PTBP3: variants seen among roughly 807,000 people sequenced by gnomAD.
PTBP3 encodes the protein polypyrimidine tract binding protein 3.
In PTBP3, 20 loss-of-function variants were observed where a neutral mutation model predicts 58.7. The observed-to-expected ratio is 0.34, with a 90% CI of 0.24 to 0.50. The LOEUF is 0.50. PTBP3 is among the 20% of genes least tolerant of loss of function. PTBP3 has a pLI of 0.98. For missense variants in PTBP3, 509 were observed against 637.2 expected, an observed-to-expected ratio of 0.80 and a Z score of 2.17; for synonymous variants, 185 against 219.8, an observed-to-expected ratio of 0.84 and a Z score of 1.40.
chr9:112,333,201 T>C (rs955249535), intron 1 of PTBP3, among the ~76,000 whole-genome samples: 2 of 152,086 alleles, frequency 1.3e-5, no homozygotes, highest in Non-Finnish European at 2.9e-5. Flanking sequence ...GGCTTTCCTC[T>C]GCTCCCGGGT....
At chr9:112,245,697 AAAG>A (rs1177400908) in intron 7 of PTBP3, among the ~76,000 whole-genome samples, 2 of 152,204 alleles carry the variant, frequency 1.3e-5, no homozygotes, top group African/African-American at 2.4e-5. Flanking sequence ...CAGGTTGGGT[AAAG>A]AAGATCTGGA....
rs560035694 is a variant in PTBP3, at chr9:112,311,154, C to T, written c.-51-13238G>A. On this transcript the variant is annotated intron_variant, in intron 1 of 13. Coordinates refer to ENST00000374257, the MANE Select transcript of PTBP3 (RefSeq NM_001163788.4). ...TGGTTAGGAAGCTGTGATGATAATC[C>T]GGATTAAGGGCCAGGGCAGTTGCAG... Among the ~76,000 whole-genome samples, 28 of 150,594 alleles carry T rather than the reference C, an allele frequency of 1.9e-4. No individual in the cohort carries two copies. The South Asian group carries it at 2.1e-3, about 11-fold the overall frequency.
rs564774575 is a variant in PTBP3, at chr9:112,309,546, G to A, written c.-51-11630C>T. Among the ~76,000 whole-genome samples, 20 of 152,204 alleles carry A rather than the reference G, an allele frequency of 1.3e-4. No individual in the cohort carries two copies. The South Asian group carries it at 3.5e-3, about 27-fold the overall frequency. ...ACTCCTGTAATCCCAGCACTTTTGG[G>A]AGGCCAAGGCGGGCGGACTGCCTGA... On this transcript the variant is annotated intron_variant, in intron 1 of 13. Coordinates refer to ENST00000374257, the MANE Select transcript of PTBP3 (RefSeq NM_001163788.4).
chr9:112,231,543 G>A (rs939019865), intron 9 of PTBP3, 130 bp from the exon 10 acceptor site: 1 of 639,428 alleles, frequency 1.6e-6, no homozygotes, highest in Non-Finnish European at 2.5e-6. Context: ...GTATATACTA[G>A]TGATGAATTT....
chr9:112,270,090 G>A (rs982355680), intron 3 of PTBP3, among the ~76,000 whole-genome samples: 7 of 151,884 alleles, frequency 4.6e-5, no homozygotes, highest in Non-Finnish European at 5.9e-5. Context: ...GATTACAAGC[G>A]CATGATACCA....
the PTBP3 span, among the ~76,000 whole-genome samples, chr9:112,349,431 G>T: frequency 1.3e-5 from 2 of 152,132 alleles, no homozygotes; most frequent in Admixed American, 6.6e-5. Context: ...AACCTGAAGA[G>T]GGAATCACAG....
At chr9:112,350,562 T>G in the PTBP3 span, among the ~76,000 whole-genome samples, 3 of 152,152 alleles carry the variant, frequency 2.0e-5, no homozygotes, top group African/African-American at 7.2e-5. Context: ...TAAAAATCAT[T>G]AATTGTTACA....
chr9:112,308,481 T>C (rs1158756221), intron 1 of PTBP3, among the ~76,000 whole-genome samples: 2 of 152,088 alleles, frequency 1.3e-5, no homozygotes, highest in Non-Finnish European at 2.9e-5. Flanking sequence ...CTCAAAATTA[T>C]ACTTAATATT....
chr9:112,272,020 A>T (rs1299447847), intron 3 of PTBP3, among the ~76,000 whole-genome samples: 4 of 152,088 alleles, frequency 2.6e-5, no homozygotes, highest in African/African-American at 9.7e-5. Flanking sequence ...CAGGAATAAG[A>T]TACTTACAAA....
intron 2 of PTBP3, among the ~76,000 whole-genome samples, chr9:112,293,249 G>T (rs747704999): frequency 6.6e-6 from 1 of 152,176 alleles, no homozygotes; most frequent in African/African-American, 2.4e-5. Context: ...AATGAAAAAG[G>T]AAAGAAGGAT....
At chr9:112,342,340 A>T in the PTBP3 span, among the ~76,000 whole-genome samples, 41 of 152,114 alleles carry the variant, frequency 2.7e-4, no homozygotes, top group African/African-American at 7.7e-4. Flanking sequence ...GTGTGTGTGT[A>T]TCCCATTGGT....
downstream of PTBP3, chr9:112,217,736 C>T (rs1230233845): frequency 6.6e-6 from 1 of 151,964 alleles, no homozygotes; most frequent in Admixed American, 6.6e-5. Flanking sequence ...ATTTATTTTC[C>T]CAGTATTTAT....
chr9:112,340,489 T>G, the PTBP3 span, among the ~76,000 whole-genome samples: 1 of 152,366 alleles, frequency 6.6e-6, no homozygotes, highest in African/African-American at 2.4e-5. Flanking sequence ...TTTTAACGTG[T>G]TTTTAAATAA....
the PTBP3 span, among the ~76,000 whole-genome samples, chr9:112,338,674 A>C: frequency 6.6e-6 from 1 of 152,078 alleles, no homozygotes. Context: ...ACTCTGACCG[A>C]CTCTGCCCAG....
chr9:112,360,539 G>A, the PTBP3 span, among the ~76,000 whole-genome samples: 2 of 152,104 alleles, frequency 1.3e-5, no homozygotes, highest in African/African-American at 4.8e-5. Flanking sequence ...TGTGGGTAAA[G>A]GAAATGGAAA....
the PTBP3 span, among the ~76,000 whole-genome samples, chr9:112,366,676 G>A: frequency 2.6e-5 from 4 of 152,194 alleles, no homozygotes; most frequent in Admixed American, 1.3e-4. Flanking sequence ...GCAGGGGTGG[G>A]CCCTCATGGA....
At chr9:112,289,814 C>T (rs942120543) in intron 2 of PTBP3, among the ~76,000 whole-genome samples, 20 of 152,100 alleles carry the variant, frequency 1.3e-4, no homozygotes, top group Admixed American at 1.1e-3. Flanking sequence ...TATAAAAATA[C>T]AAATTATTCA....
the PTBP3 span, among the ~76,000 whole-genome samples, chr9:112,346,167 CT>C: frequency 2.7e-5 from 4 of 150,434 alleles, no homozygotes; most frequent in African/African-American, 7.4e-5. Context: ...TTTCTTTTTT[CT>C]TTTTTTTCCT....
chr9:112,275,159 G>T lies in PTBP3; in HGVS notation c.204+685C>A, dbSNP rs553377900. 2.9e-4 allele frequency among the ~76,000 whole-genome samples: 42 copies of T among 147,074 alleles called. No homozygotes were observed. The East Asian group carries it at 6.7e-3, about 24-fold the overall frequency. Reference sequence around the variant, plus strand: ...TTTTTATTTTTTTTTTTGGTGAGATGAGATTTACTCTTGTTGCATAGGCTG... The same window carrying T: ...TTTTTATTTTTTTTTTTGGTGAGATTAGATTTACTCTTGTTGCATAGGCTG... On this transcript the variant is annotated intron_variant, in intron 3 of 13. Coordinates refer to ENST00000374257, the MANE Select transcript of PTBP3 (RefSeq NM_001163788.4).
Sources: allele counts gnomAD v4.1 joint callset (sites outside exome capture counted in the v4.1 genomes callset), GRCh38; gene constraint gnomAD v4.1.1; transcripts MANE v1.5; gene names NCBI Gene and HGNC (gene_info 2026-07-23, HGNC 2026-07-21).